PARP1: variants seen among roughly 807,000 people sequenced by gnomAD.
PARP1 encodes poly [ADP-ribose] polymerase 1.
PARP1 carries 44 observed loss-of-function variants against 118.7 expected under a neutral mutation model. The observed-to-expected ratio is 0.37, with a 90% CI of 0.29 to 0.48. PARP1 has a LOEUF of 0.48. Among genes scored for constraint, PARP1 ranks in the 20% least tolerant of loss-of-function variants. The probability of loss-of-function intolerance (pLI) is 0.99; values close to 1 mark genes in which losing one functional copy is unlikely to be tolerated. For missense variants in PARP1, 1,100 were observed against 1,272.4 expected (o/e 0.86, Z 2.06); for synonymous variants, 492 against 483.2 (o/e 1.02, Z -0.24).
At chr1:226,384,265 G>T (rs1252235329) in intron 7 of PARP1, among the ~76,000 whole-genome samples, 7 of 152,188 alleles carry the variant, frequency 4.6e-5, no homozygotes, top group African/African-American at 1.7e-4. Context: ...GTGGGGTGGG[G>T]AGAGGGGTAT....
intron 8 of PARP1, 137 bp downstream of exon 8, chr1:226,382,899 G>T: frequency 1.1e-6 from 1 of 950,882 alleles, no homozygotes; most frequent in Non-Finnish European, 1.7e-6. Context: ...CCCCTGCAGG[G>T]CAAGGCTTCC....
At chr1:226,397,464 C>CAAG (rs3046772) in intron 2 of PARP1, among the ~76,000 whole-genome samples, 67,006 of 151,798 alleles carry the variant, frequency 0.44, 16,234 homozygotes, top group East Asian at 0.81. Context: ...CCAGCTGCTG[C>CAAG]AAGGGCAGAC....
chr1:226,367,257 C>T (rs1664288978), intron 17 of PARP1: 1 of 578,442 alleles, frequency 1.7e-6, no homozygotes, highest in African/African-American at 1.9e-5. Flanking sequence ...GCTTGGAAGG[C>T]TGCCTTGCAA....
intron 12 of PARP1, 45 bp from the exon 13 acceptor site, chr1:226,377,348 TG>T: frequency 1.3e-6 from 2 of 1,493,800 alleles, no homozygotes; most frequent in Middle Eastern, 3.4e-4. Flanking sequence ...GTGGGTCAGC[TG>T]TCCCATTTCA....
intron 6 of PARP1, among the ~76,000 whole-genome samples, chr1:226,386,078 C>T (rs1198020609): frequency 6.6e-5 from 10 of 152,232 alleles, no homozygotes; most frequent in Admixed American, 6.5e-4. Flanking sequence ...AGGCCTGGCA[C>T]TCTAGAGCAA....
Position 226,377,443 on chromosome 1 carries a change from A to C in PARP1, c.1746-140T>G, listed in dbSNP as rs1036681854. ...GGATGGTGATTAACACAGAACAAAC[A>C]CAACTGCTATAACAATAAAGGGTCT... On this transcript the variant is annotated intron_variant, in intron 12 of 22. Coordinates refer to ENST00000366794, the MANE Select transcript of PARP1 (RefSeq NM_001618.4). The C allele has an allele frequency of 8.9e-5, 62 of 697,238 alleles. No individual in the cohort carries two copies. The African/African-American group carries it at 1.1e-3, about 12-fold the overall frequency. The allele number at this position is 697,238 out of a possible 1,614,324, so 43.2% of individuals were successfully genotyped here.
At chr1:226,362,387 T>C (rs1664162691) in intron 21 of PARP1, 3 of 376,138 alleles carry the variant, frequency 8.0e-6, no homozygotes, top group Admixed American at 3.8e-5. Flanking sequence ...GGTTTCACCA[T>C]GTTGGCCAGG....
intron 1 of PARP1, among the ~76,000 whole-genome samples, chr1:226,406,594 C>A (rs1442824789): frequency 6.6e-6 from 1 of 152,200 alleles, no homozygotes; most frequent in African/African-American, 2.4e-5. Context: ...TCCTCTCTTA[C>A]GGTAACGTTT....
Position 226,375,864 on chromosome 1 carries a change from A to ATG in PARP1, c.1941+1242_1941+1243dup, listed in dbSNP as rs139070106. 4.5e-3 allele frequency among the ~76,000 whole-genome samples: 681 copies of ATG among 152,342 alleles called. 3 individuals carry two copies. The highest frequency in any genetic ancestry group is 7.2e-3 in the Non-Finnish European group (490 of 68,018). On this transcript the variant is annotated intron_variant, in intron 13 of 22. Coordinates refer to ENST00000366794, the MANE Select transcript of PARP1 (RefSeq NM_001618.4). ...AGGGCAAAAAGCAGATGGTTGTAACATGGTACATATGGTGGTGGGAAACGT... is the reference window on the plus strand; with the variant it reads ...AGGGCAAAAAGCAGATGGTTGTAACATGTGGTACATATGGTGGTGGGAAACGT...
At chr1:226,393,074 G>C in intron 2 of PARP1, 1 of 1,197,056 alleles carries the variant, frequency 8.4e-7, no homozygotes. Context: ...GATTCTATTT[G>C]ATATTCCTAA....
chr1:226,404,968 G>GCCATCCTCCTCCCA (rs1558244669), intron 1 of PARP1, among the ~76,000 whole-genome samples: 1 of 152,036 alleles, frequency 6.6e-6, no homozygotes, highest in African/African-American at 2.4e-5. Context: ...AAGGTCTACC[G>GCCATCCTCCTCCCA]CCATCCTCCT....
Position 226,367,587 on chromosome 1 carries a change from T to G in PARP1, c.2299A>C (p.Asn767His). 6.2e-7 allele frequency: 1 copy of G among 1,614,176 alleles called. No individual in the cohort carries two copies. The highest frequency in any genetic ancestry group is 8.5e-7 in the Non-Finnish European group (1 of 1,180,034). Residue 767 changes from asparagine to histidine, a missense_variant, in exon 17 of 23, where the codon AAC (asparagine) becomes CAC (histidine). Coordinates refer to ENST00000366794, the MANE Select transcript of PARP1 (RefSeq NM_001618.4). The part of the protein sequence containing the change: ...SVQAKVEMLD[N>H]LLDIEVAYSL... ...TAGGCCACCTCGATGTCCAGCAGGT[T>G]GTCAAGCATTTCCACCTTGGCCTGG...
At chr1:226,392,382 C>G in intron 2 of PARP1, 68 bp from the exon 3 acceptor site, 1 of 1,034,488 alleles carries the variant, frequency 9.7e-7, no homozygotes. Context: ...GGAGCCCCGT[C>G]CTCTTCTACC....
chr1:226,361,727 T>G lies in PARP1; in HGVS notation c.2964-186A>C, dbSNP rs950294803. 7.4e-6 allele frequency: 5 copies of G among 675,452 alleles called. No homozygotes were observed. The African/African-American group carries it at 8.9e-5, about 12-fold the overall frequency. 41.8% of individuals were successfully genotyped at this position (675,452 alleles called of 1,614,324 possible). ...TGCTCAATGCCAGCCTGAAAGTTAC[T>G]CTAAGTCTTCTTCAGGCAGACTGAG... On this transcript the variant is annotated intron_variant, in intron 22 of 22. Coordinates refer to ENST00000366794, the MANE Select transcript of PARP1 (RefSeq NM_001618.4).
intron 1 of PARP1, among the ~76,000 whole-genome samples, chr1:226,403,972 G>A (rs1665089726): frequency 1.3e-5 from 2 of 152,198 alleles, no homozygotes; most frequent in South Asian, 4.1e-4. Context: ...CTTTCTGGAT[G>A]TGATGTATTA....
chr1:226,370,129 G>A (rs879382065), intron 15 of PARP1, among the ~76,000 whole-genome samples: 5 of 152,044 alleles, frequency 3.3e-5, no homozygotes, highest in Admixed American at 6.5e-5. Context: ...ACCAATCCCC[G>A]AGGATACAGA....
chr1:226,384,786 G>A (rs930255606), intron 7 of PARP1, among the ~76,000 whole-genome samples: 12 of 142,940 alleles, frequency 8.4e-5, no homozygotes, highest in African/African-American at 2.6e-4. Context: ...GGTGTAGAGC[G>A]AGTAATGTCG....
At chr1:226,388,410 A>G (rs1205671331) in intron 5 of PARP1, among the ~76,000 whole-genome samples, 1 of 152,244 alleles carries the variant, frequency 6.6e-6, no homozygotes. Context: ...CAGAGCACTC[A>G]GCCCTTGCTC....
intron 4 of PARP1, 41 bp downstream of exon 4, chr1:226,390,369 C>T (rs1233408699): frequency 6.3e-7 from 1 of 1,581,354 alleles, no homozygotes; most frequent in African/African-American, 1.3e-5. Context: ...CCTTGAACCC[C>T]TCACTGAACC....
Sources: gnomAD v4.1 joint callset for allele counts (sites outside exome capture counted in the v4.1 genomes callset) on GRCh38, gnomAD v4.1.1 for gene constraint, MANE v1.5 for transcripts, NCBI Gene and HGNC (gene_info 2026-07-23, HGNC 2026-07-21) for gene names.